Variants in ATAD1 observed in about 807,000 individuals in gnomAD.
The protein encoded by ATAD1 is ATPase family AAA domain containing 1.
Under a neutral mutation model 42.7 loss-of-function variants are expected in ATAD1, and 18 were observed. The observed-to-expected ratio is 0.42, with a 90% CI of 0.29 to 0.63. The LOEUF is 0.63. ATAD1 is among the 20% of genes least tolerant of loss of function. ATAD1 has a pLI of 0.19. For synonymous variants in ATAD1, 132 were observed against 143.1 expected (o/e 0.92, Z 0.55); for missense variants, 294 against 440.4 (o/e 0.67, Z 2.98).
chr10:87,831,585 C>T (rs1416130372), intron 1 of ATAD1, among the ~76,000 whole-genome samples: 1 of 152,192 alleles, frequency 6.6e-6, no homozygotes, highest in East Asian at 1.9e-4. Flanking sequence ...CTATTCTTCA[C>T]TAGAGTTTGG....
At chr10:87,771,876 A>C (rs1013254106) in intron 6 of ATAD1, among the ~76,000 whole-genome samples, 10 of 152,220 alleles carry the variant, frequency 6.6e-5, no homozygotes, top group Non-Finnish European at 1.3e-4. Flanking sequence ...ACCCAGTAAC[A>C]ATACACATCT....
chr10:87,805,055 C>T (rs751591749), intron 2 of ATAD1, among the ~76,000 whole-genome samples: 11 of 152,164 alleles, frequency 7.2e-5, no homozygotes, highest in Non-Finnish European at 1.5e-4. Flanking sequence ...ACTATGTCAT[C>T]TTCTACCTCT....
intron 1 of ATAD1, among the ~76,000 whole-genome samples, chr10:87,834,271 G>C (rs1857890930): frequency 6.6e-6 from 1 of 152,018 alleles, no homozygotes; most frequent in Admixed American, 6.6e-5. Flanking sequence ...TCTTTGTCTG[G>C]CTTTGGTATC....
intron 2 of ATAD1, among the ~76,000 whole-genome samples, chr10:87,806,671 A>G (rs561437567): frequency 6.6e-6 from 1 of 152,268 alleles, no homozygotes; most frequent in East Asian, 1.9e-4. Flanking sequence ...TTTCTCCGCG[A>G]ATATTATGCT....
At chr10:87,839,425 G>C (rs578116625) in intron 1 of ATAD1, among the ~76,000 whole-genome samples, 1 of 152,244 alleles carries the variant, frequency 6.6e-6, no homozygotes, top group East Asian at 1.9e-4. Flanking sequence ...AACGAGGATC[G>C]TATTGAATAA....
intron 2 of ATAD1, among the ~76,000 whole-genome samples, chr10:87,799,861 A>G (rs1056742390): frequency 5.3e-5 from 8 of 152,004 alleles, no homozygotes; most frequent in South Asian, 4.2e-4. Context: ...TAGGTCATGT[A>G]TAAAAGAAGG....
intron 7 of ATAD1, among the ~76,000 whole-genome samples, chr10:87,769,618 T>C (rs750893951): frequency 2.6e-5 from 4 of 152,324 alleles, no homozygotes; most frequent in East Asian, 3.9e-4. Context: ...CACCAGATCC[T>C]AGCAGGTCTG....
chr10:87,811,522 T>C (rs1332377147), intron 2 of ATAD1, among the ~76,000 whole-genome samples: 1 of 152,160 alleles, frequency 6.6e-6, no homozygotes, highest in African/African-American at 2.4e-5. Flanking sequence ...TTACCAATTA[T>C]GCTGCATTAC....
At chr10:87,772,261 T>C (rs1303321780) in intron 6 of ATAD1, among the ~76,000 whole-genome samples, 5 of 151,898 alleles carry the variant, frequency 3.3e-5, no homozygotes, top group Non-Finnish European at 7.4e-5. Flanking sequence ...TACAGGCACA[T>C]GCCACTGTGC....
intron 1 of ATAD1, chr10:87,817,662 G>C (rs1211538505): frequency 1.1e-6 from 1 of 934,704 alleles, no homozygotes; most frequent in East Asian, 1.2e-4. Flanking sequence ...CTATGACAAT[G>C]AAGGCCTGCC....
intron 8 of ATAD1, 129 bp downstream of exon 8, chr10:87,767,544 G>A: frequency 1.1e-6 from 1 of 873,752 alleles, no homozygotes; most frequent in Non-Finnish European, 1.9e-6. Context: ...ACCAGTACCA[G>A]TCTGTGGCTG....
rs1405987882 is a variant in ATAD1, at chr10:87,756,935, T to TAA, written c.832-15_832-14dup. On this transcript the variant is annotated splice_polypyrimidine_tract_variant and intron_variant, in intron 8 of 9. Coordinates refer to ENST00000680024, the MANE Select transcript of ATAD1 (RefSeq NM_001321967.2). ...CATGCCTATCCACCTTAAACAAATA[T>TAA]AAAAACATGCTTAAAAAACAAAAAT... The TAA allele has an allele frequency of 1.3e-6, 2 of 1,569,882 alleles. No individual in the cohort carries two copies. Among genetic ancestry groups the TAA allele is most frequent in the Non-Finnish European group, 1.7e-6 (2 of 1,164,110 alleles).
chr10:87,792,643 T>TAAAAAAAAAA lies in ATAD1; in HGVS notation c.261+13_261+14insTTTTTTTTTT. On this transcript the variant is annotated intron_variant, in intron 3 of 9. Transcript: ENST00000680024. ...ACCTCTAAAAAAATCTTAAATAAGA[T>TAAAAAAAAAA]TAAAGATACATACATGCATATTAAG... 1 of 1,351,882 alleles carries TAAAAAAAAAA rather than the reference T, an allele frequency of 7.4e-7. No homozygotes were observed. 83.7% of individuals were successfully genotyped at this position (1,351,882 alleles called of 1,614,324 possible).
intron 1 of ATAD1, among the ~76,000 whole-genome samples, chr10:87,825,980 T>C (rs977465144): frequency 1.1e-4 from 16 of 152,204 alleles, no homozygotes; most frequent in Non-Finnish European, 1.9e-4. Flanking sequence ...AGACACTGAA[T>C]GCACTTCTTC....
chr10:87,759,854 C>A, intron 8 of ATAD1: 1 of 414,048 alleles, frequency 2.4e-6, no homozygotes, highest in Non-Finnish European at 4.9e-6. Flanking sequence ...GTATAGCTCA[C>A]CAAAATGCTT....
chr10:87,786,483 G>A (rs1479518219), intron 4 of ATAD1, among the ~76,000 whole-genome samples: 1 of 152,122 alleles, frequency 6.6e-6, no homozygotes, highest in Non-Finnish European at 1.5e-5. Context: ...TACAATTAGT[G>A]TTATTAACTG....
At chr10:87,802,647 A>G (rs1490459179) in intron 2 of ATAD1, among the ~76,000 whole-genome samples, 1 of 151,890 alleles carries the variant, frequency 6.6e-6, no homozygotes, top group Non-Finnish European at 1.5e-5. Context: ...TGTCACGAAA[A>G]AAAAAAAAAG....
chr10:87,804,439 G>A (rs1035878559), intron 2 of ATAD1, among the ~76,000 whole-genome samples: 2 of 150,762 alleles, frequency 1.3e-5, no homozygotes, highest in Admixed American at 6.6e-5. Context: ...GTGAGATCTC[G>A]GCTCACTGCA....
upstream of ATAD1, among the ~76,000 whole-genome samples, chr10:87,821,213 G>A (rs536194961): frequency 8.5e-5 from 13 of 152,164 alleles, no homozygotes; most frequent in African/African-American, 2.9e-4. Context: ...GACACCTGGT[G>A]GGAAGAAAGG....
Sources: gnomAD v4.1 joint callset for allele counts (sites outside exome capture counted in the v4.1 genomes callset) on GRCh38, gnomAD v4.1.1 for gene constraint, MANE v1.5 for transcripts, NCBI Gene and HGNC (gene_info 2026-07-23, HGNC 2026-07-21) for gene names.